Variants in DGKB observed in about 807,000 individuals in gnomAD.
The protein encoded by DGKB is 90 kDa diacylglycerol kinase.
In DGKB, 67 loss-of-function variants were observed where a neutral mutation model predicts 114.3. That is an observed-to-expected ratio of 0.59 (90% CI 0.48 to 0.72). The LOEUF is 0.72. DGKB is among the 30% of genes least tolerant of loss of function. The pLI, the probability that DGKB is intolerant of heterozygous loss-of-function variation, is 0.00. For synonymous variants in DGKB, 398 were observed against 323.1 expected, an observed-to-expected ratio of 1.23 and a Z score of -2.49; for missense variants, 907 against 975.2, an observed-to-expected ratio of 0.93 and a Z score of 0.93.
At chr7:14,435,931 C>G (rs189848389) in intron 21 of DGKB, among the ~76,000 whole-genome samples, 1 of 151,892 alleles carries the variant, frequency 6.6e-6, no homozygotes, top group Non-Finnish European at 1.5e-5. Flanking sequence ...GTCTATGGCA[C>G]GTAGATATTC....
At chr7:14,260,648 A>G (rs1213114641) in intron 23 of DGKB, among the ~76,000 whole-genome samples, 1 of 152,168 alleles carries the variant, frequency 6.6e-6, no homozygotes, top group African/African-American at 2.4e-5. Flanking sequence ...CTATCGGTAT[A>G]ATTAGGGGTG....
At chr7:14,806,068 C>CTTTT (rs200108860) in intron 2 of DGKB, among the ~76,000 whole-genome samples, 1 of 151,318 alleles carries the variant, frequency 6.6e-6, no homozygotes, top group South Asian at 2.1e-4. Context: ...TAGTTGAGAT[C>CTTTT]TTTTCTTTTA....
intron 20 of DGKB, among the ~76,000 whole-genome samples, chr7:14,573,825 C>T (rs1798729385): frequency 6.6e-6 from 1 of 151,890 alleles, no homozygotes. Flanking sequence ...TAAAATGCAT[C>T]TCAAAGTAAG....
chr7:14,632,668 G>A (rs1408678021), intron 13 of DGKB, among the ~76,000 whole-genome samples: 1 of 151,816 alleles, frequency 6.6e-6, no homozygotes, highest in Admixed American at 6.6e-5. Flanking sequence ...GGTTGGGAGA[G>A]AAGTCATAGG....
intron 9 of DGKB, among the ~76,000 whole-genome samples, chr7:14,691,155 T>G (rs953635784): frequency 1.2e-4 from 18 of 152,222 alleles, no homozygotes; most frequent in African/African-American, 4.3e-4. Context: ...TAAATTGCAT[T>G]GAAATCGTAA....
chr7:14,946,521 T>C (rs892487719), intron 1 of DGKB, among the ~76,000 whole-genome samples: 10 of 151,800 alleles, frequency 6.6e-5, no homozygotes, highest in African/African-American at 2.4e-4. Flanking sequence ...ATAAGATATT[T>C]AATCCTACCT....
rs986175399 is a variant in DGKB, at chr7:14,852,802, T to C, written c.-187-11352A>G. ...CAGATATTTCCTAGAATGTTGATTA[T>C]TGCAAATTGATAAATTTATCTTTAT... On this transcript the variant is annotated intron_variant, in intron 1 of 25. Coordinates refer to ENST00000402815, the MANE Select transcript of DGKB (RefSeq NM_001350709.2). 3.3e-5 allele frequency among the ~76,000 whole-genome samples: 5 copies of C among 152,254 alleles called. No individual in the cohort carries two copies. In the East Asian group the frequency reaches 9.7e-4, roughly 29 times the overall value.
chr7:14,813,509 C>G (rs995382238), intron 2 of DGKB, among the ~76,000 whole-genome samples: 1 of 152,130 alleles, frequency 6.6e-6, no homozygotes, highest in Non-Finnish European at 1.5e-5. Flanking sequence ...ATATTTTCTC[C>G]CCAGAGAACA....
At chr7:14,435,528 T>C (rs1829107268) in intron 21 of DGKB, among the ~76,000 whole-genome samples, 1 of 152,100 alleles carries the variant, frequency 6.6e-6, no homozygotes, top group South Asian at 2.1e-4. Flanking sequence ...CATAAAGTAC[T>C]CTAGCAAGAT....
chr7:14,946,796 T>C (rs1482149002), intron 1 of DGKB, among the ~76,000 whole-genome samples: 1 of 151,810 alleles, frequency 6.6e-6, no homozygotes, highest in African/African-American at 2.4e-5. Context: ...TACCACTGTA[T>C]CTGTACTACT....
chr7:14,925,254 T>C (rs1784691009), intron 1 of DGKB, among the ~76,000 whole-genome samples: 1 of 152,192 alleles, frequency 6.6e-6, no homozygotes, highest in African/African-American at 2.4e-5. Flanking sequence ...AGTTTTTGTG[T>C]GAACATGTGC....
intron 23 of DGKB, among the ~76,000 whole-genome samples, chr7:14,258,806 A>C (rs1796311458): frequency 6.6e-6 from 1 of 152,318 alleles, no homozygotes; most frequent in Non-Finnish European, 1.5e-5. Context: ...AGGAATAAAA[A>C]AGAATCCATA....
intron 1 of DGKB, among the ~76,000 whole-genome samples, chr7:14,881,010 C>T (rs1854145735): frequency 6.6e-6 from 1 of 151,790 alleles, no homozygotes; most frequent in Non-Finnish European, 1.5e-5. Context: ...GCTGTTAGGC[C>T]AAAGATTATA....
intron 21 of DGKB, among the ~76,000 whole-genome samples, chr7:14,418,262 A>ATTTTATATATATGTG (rs1469397027): frequency 7.8e-5 from 11 of 141,208 alleles, no homozygotes; most frequent in East Asian, 6.1e-4. Flanking sequence ...TATATTATAT[A>ATTTTATATATATGTG]TGTATATATA....
intron 21 of DGKB, among the ~76,000 whole-genome samples, chr7:14,428,494 T>C (rs1187714828): frequency 6.6e-6 from 1 of 152,196 alleles, no homozygotes; most frequent in Non-Finnish European, 1.5e-5. Flanking sequence ...GATTTCCTTC[T>C]GCTCATACCA....
At chr7:14,763,548 T>C (rs887699203) in intron 2 of DGKB, among the ~76,000 whole-genome samples, 1 of 152,096 alleles carries the variant, frequency 6.6e-6, no homozygotes, top group Non-Finnish European at 1.5e-5. Context: ...CTATTGTATA[T>C]GACCCAAACC....
chr7:14,165,420 C>A (rs999173142), intron 25 of DGKB, among the ~76,000 whole-genome samples: 1 of 152,068 alleles, frequency 6.6e-6, no homozygotes, highest in Non-Finnish European at 1.5e-5. Flanking sequence ...GGAGATCCAC[C>A]TATCACAAAA....
chr7:14,518,337 G>C (rs1789183171), intron 20 of DGKB, among the ~76,000 whole-genome samples: 1 of 152,068 alleles, frequency 6.6e-6, no homozygotes, highest in South Asian at 2.1e-4. Flanking sequence ...GGAGGGTAAG[G>C]ATCGCAAAAC....
chr7:14,445,898 T>A (rs1034331162), intron 21 of DGKB, among the ~76,000 whole-genome samples: 10 of 152,074 alleles, frequency 6.6e-5, no homozygotes, highest in African/African-American at 2.4e-4. Context: ...AAAGTCTACT[T>A]GTTTATGCTG....
Sources: allele counts gnomAD v4.1 joint callset (sites outside exome capture counted in the v4.1 genomes callset), GRCh38; gene constraint gnomAD v4.1.1; transcripts MANE v1.5; gene names NCBI Gene and HGNC (gene_info 2026-07-23, HGNC 2026-07-21).